KIF2A: variants seen among roughly 807,000 people sequenced by gnomAD.
KIF2A encodes kinesin-like protein KIF2A.
In KIF2A, 22 loss-of-function variants were observed where a neutral mutation model predicts 100.2. That is an observed-to-expected ratio of 0.22 (90% CI 0.16 to 0.31). KIF2A has a LOEUF of 0.31. Ranked by LOEUF, KIF2A falls within the 10% of genes least tolerant of loss-of-function variation. The probability of loss-of-function intolerance (pLI) is 1.00; values close to 1 mark genes in which losing one functional copy is unlikely to be tolerated. For missense variants in KIF2A, 495 were observed against 898.7 expected, an observed-to-expected ratio of 0.55 and a Z score of 5.74; for synonymous variants, 268 against 285.9, an observed-to-expected ratio of 0.94 and a Z score of 0.63.
intron 1 of KIF2A, among the ~76,000 whole-genome samples, chr5:62,312,085 A>C (rs1015452944): frequency 6.6e-6 from 1 of 152,228 alleles, no homozygotes; most frequent in Admixed American, 6.5e-5. Context: ...TTTCTGAGAC[A>C]TACAAACCCC....
chr5:62,317,856 T>C (rs569814756), intron 1 of KIF2A, among the ~76,000 whole-genome samples: 3 of 152,204 alleles, frequency 2.0e-5, no homozygotes, highest in Non-Finnish European at 4.4e-5. Context: ...GCTCTGTGGC[T>C]CTGTAATTTG....
intron 1 of KIF2A, among the ~76,000 whole-genome samples, chr5:62,328,414 A>G (rs550092375): frequency 6.6e-6 from 1 of 152,104 alleles, no homozygotes; most frequent in African/African-American, 2.4e-5. Flanking sequence ...TCTCTTTACA[A>G]GTGGTTTTGG....
rs1391822197 is a variant in KIF2A, at chr5:62,381,195, T to C, written c.2091T>C (p.Tyr697=). The C allele has an allele frequency of 6.2e-7, 1 of 1,608,348 alleles. No individual in the cohort carries two copies. The highest frequency in any genetic ancestry group is 8.5e-7 in the Non-Finnish European group (1 of 1,174,826). The part of the protein sequence containing the change: ...TEEVDYDVDS[Y]ATQLEAILEQ... The stretch of plus-strand genomic sequence containing the variant: ...AAGTAGATTATGATGTCGATTCATA[T>C]GCTACACAACTTGAAGCTATTCTTG... Residue 697 remains tyrosine, a synonymous_variant, in exon 20 of 21, where the codon TAT becomes TAC. Coordinates refer to ENST00000407818, the MANE Select transcript of KIF2A (RefSeq NM_001098511.3).
chr5:62,383,675 ATTG>A (rs1217290841), intron 20 of KIF2A, among the ~76,000 whole-genome samples: 10 of 152,158 alleles, frequency 6.6e-5, no homozygotes, highest in African/African-American at 2.4e-4. Flanking sequence ...TGTTTCTCAT[ATTG>A]TTCATATTCA....
At chr5:62,369,933 G>A (rs1156914873) in intron 16 of KIF2A, among the ~76,000 whole-genome samples, 19 of 152,154 alleles carry the variant, frequency 1.2e-4, no homozygotes, top group Non-Finnish European at 7.4e-5. Flanking sequence ...CCTCGGGAAA[G>A]TTACTTAACC....
intron 20 of KIF2A, among the ~76,000 whole-genome samples, chr5:62,384,331 T>G (rs929749680): frequency 6.6e-6 from 1 of 152,186 alleles, no homozygotes; most frequent in Non-Finnish European, 1.5e-5. Context: ...AAAGTTAACT[T>G]TTTAAACATC....
chr5:62,349,916 A>C (rs1279618445), intron 3 of KIF2A, 150 bp from the exon 4 acceptor site: 1 of 562,386 alleles, frequency 1.8e-6, no homozygotes, highest in African/African-American at 2.0e-5. Flanking sequence ...GATAGCATTA[A>C]TAGTAATTCA....
At chr5:62,337,305 A>C (rs1166453394) in intron 1 of KIF2A, among the ~76,000 whole-genome samples, 1 of 152,164 alleles carries the variant, frequency 6.6e-6, no homozygotes. Flanking sequence ...CAGCCTGGCC[A>C]GCGTGGTGAA....
chr5:62,306,638 T>C, intron 1 of KIF2A, 102 bp downstream of exon 1: 5 of 971,218 alleles, frequency 5.1e-6, no homozygotes, highest in South Asian at 1.5e-5. Context: ...TTCGCCGGGC[T>C]GTGGGGGTGG....
intron 1 of KIF2A, among the ~76,000 whole-genome samples, chr5:62,333,566 A>G (rs1290818629): frequency 1.3e-5 from 2 of 152,108 alleles, no homozygotes; most frequent in South Asian, 2.1e-4. Context: ...CCCTCGAGGA[A>G]ATGATAATGG....
chr5:62,373,402 GTTT>G (rs144108579), intron 17 of KIF2A, among the ~76,000 whole-genome samples: 1 of 151,692 alleles, frequency 6.6e-6, no homozygotes, highest in Non-Finnish European at 1.5e-5. Flanking sequence ...ATCATAACAA[GTTT>G]TTTTCTTTGA....
chr5:62,389,485 C>CAGAAAAAAAAAAAAAA lies in KIF2A; in HGVS notation c.*3917_*3918insGAAAAAAAAAAAAAAA, dbSNP rs1742195291. On this transcript the variant is annotated 3_prime_UTR_variant, in exon 21 of 21. Coordinates refer to ENST00000407818, the MANE Select transcript of KIF2A (RefSeq NM_001098511.3). ...TGGGTGACAGAGCAAGACTCTGTCT[C>CAGAAAAAAAAAAAAAA]AAAAAAAAAAAAAAAAGAAATGTTA... Among the ~76,000 whole-genome samples, 1 of 75,916 alleles carries CAGAAAAAAAAAAAAAA rather than the reference C, an allele frequency of 1.3e-5. No individual in the cohort carries two copies. Among genetic ancestry groups the CAGAAAAAAAAAAAAAA allele is most frequent in the African/African-American group, 5.7e-5 (1 of 17,528 alleles). 49.8% of individuals were successfully genotyped at this position (75,916 alleles called of 152,430 possible). A position where few individuals can be genotyped will look rare whatever the true frequency, so the allele number is the denominator to read the frequency against.
At chr5:62,363,930 CT>C (rs1256651904) in intron 14 of KIF2A, 31 bp downstream of exon 14, 1 of 1,515,988 alleles carries the variant, frequency 6.6e-7, no homozygotes, top group East Asian at 2.4e-5. Context: ...CATGAAAGGT[CT>C]TTTACTTTTG....
intron 9 of KIF2A, among the ~76,000 whole-genome samples, chr5:62,360,352 T>C (rs949865580): frequency 6.6e-6 from 1 of 152,144 alleles, no homozygotes; most frequent in Admixed American, 6.6e-5. Flanking sequence ...CCCACCTTTT[T>C]ATTTTAACTC....
Position 62,385,829 on chromosome 5 carries a change from TG to T in KIF2A, c.*261del. 1 of 446,106 alleles carries T rather than the reference TG, an allele frequency of 2.2e-6. No individual in the cohort carries two copies. The highest frequency in any genetic ancestry group is 4.1e-6 in the Non-Finnish European group (1 of 245,878). 27.6% of individuals were successfully genotyped at this position (446,106 alleles called of 1,614,324 possible). A position where few individuals can be genotyped will look rare whatever the true frequency, so the allele number is the denominator to read the frequency against. Reference sequence around the variant, plus strand: ...ATAGTGATTTACTTTTGGAGATCCTTGTCAGTTTTATTTTCTATTTGATGAA... The same window carrying T: ...ATAGTGATTTACTTTTGGAGATCCTTTCAGTTTTATTTTCTATTTGATGAA... On this transcript the variant is annotated 3_prime_UTR_variant, in exon 21 of 21. Transcript: ENST00000407818.
rs1019955382 is a variant in KIF2A at position 62,339,574 on chromosome 5, A to G, written c.65-7556A>G. 1.1e-4 allele frequency among the ~76,000 whole-genome samples: 13 copies of G among 123,370 alleles called. No homozygotes were observed. In the Admixed American group the frequency reaches 1.1e-3, roughly 10 times the overall value. The allele number at this position is 123,370 out of a possible 152,430, so 80.9% of individuals were successfully genotyped here. On this transcript the variant is annotated intron_variant, in intron 1 of 20. Coordinates refer to ENST00000407818, the MANE Select transcript of KIF2A (RefSeq NM_001098511.3). ...CTTAGAGAAATTATTGCACATTTGT[A>G]CCAGTACACATATGTAAGAATGTCC... is the stretch of plus-strand genomic sequence containing the variant.
At chr5:62,359,006 T>C (rs956539060) in intron 9 of KIF2A, among the ~76,000 whole-genome samples, 12 of 152,218 alleles carry the variant, frequency 7.9e-5, no homozygotes, top group African/African-American at 2.4e-4. Flanking sequence ...TATTAATTTA[T>C]CTAAATCTGT....
chr5:62,383,683 T>C (rs1366574864), intron 20 of KIF2A, among the ~76,000 whole-genome samples: 3 of 152,220 alleles, frequency 2.0e-5, no homozygotes, highest in Non-Finnish European at 4.4e-5. Flanking sequence ...ATATTGTTCA[T>C]ATTCAACCCT....
Position 62,353,828 on chromosome 5 carries a change from T to C in KIF2A, c.558+453T>C, listed in dbSNP as rs149892179. Among the ~76,000 whole-genome samples the C allele has an allele frequency of 3.5e-3, 530 of 152,286 alleles. 2 individuals carry two copies. Among genetic ancestry groups the C allele is most frequent in the Non-Finnish European group, 6.1e-3 (413 of 67,970 alleles). On this transcript the variant is annotated intron_variant, in intron 6 of 20. Coordinates refer to ENST00000407818, the MANE Select transcript of KIF2A (RefSeq NM_001098511.3). ...CTTGGATTTTCATTTATGCCACATA[T>C]GAAGAGTGGATCTCTATTGTGTCCC...
Sources: gnomAD v4.1 joint callset for allele counts (sites outside exome capture counted in the v4.1 genomes callset) on GRCh38, gnomAD v4.1.1 for gene constraint, MANE v1.5 for transcripts, NCBI Gene and HGNC (gene_info 2026-07-23, HGNC 2026-07-21) for gene names.